NBAS: variants seen among roughly 807,000 people sequenced by gnomAD.
The protein encoded by NBAS is NBAS subunit of NRZ tethering complex.
A neutral mutation model predicts 302.5 loss-of-function variants in NBAS; 219 were observed. That is an observed-to-expected ratio of 0.72 (90% CI 0.65 to 0.81). The LOEUF is 0.81. Ranked by LOEUF, NBAS falls within the 30% of genes least tolerant of loss-of-function variation. NBAS has a pLI of 0.00. For synonymous variants in NBAS, 1,118 were observed against 1,021.6 expected (o/e 1.09, Z -1.80); for missense variants, 2,932 against 2,841.6 (o/e 1.03, Z -0.72).
rs777390596 is a variant in NBAS at position 15,474,249 on chromosome 2, A to AATCAGC, written c.1416_1417insGCTGAT (p.Asp472_Ser473insAlaAsp). On this transcript the variant is annotated inframe_insertion, in exon 15 of 52. Transcript: ENST00000281513. ...GCAGATATTTCATAATCAGAATCAG[A>AATCAGC]ATCCTCTTCTCCTTCATCTTCTTCT... The AATCAGC allele has an allele frequency of 3.7e-6, 6 of 1,614,070 alleles. No individual in the cohort carries two copies. The highest frequency in any genetic ancestry group is 5.1e-6 in the Non-Finnish European group (6 of 1,179,962).
the NBAS span, among the ~76,000 whole-genome samples, chr2:14,994,057 C>T: frequency 6.6e-5 from 10 of 152,304 alleles, no homozygotes; most frequent in African/African-American, 2.4e-4. Context: ...ACCTAGCACA[C>T]TGAAGGATGT....
intron 42 of NBAS, among the ~76,000 whole-genome samples, chr2:15,286,682 A>G (rs915815605): frequency 6.6e-6 from 1 of 152,222 alleles, no homozygotes; most frequent in African/African-American, 2.4e-5. Flanking sequence ...TTTGCTAACT[A>G]TGCCAAACCC....
chr2:15,551,179 G>A (rs986787172), intron 6 of NBAS, among the ~76,000 whole-genome samples: 3 of 152,040 alleles, frequency 2.0e-5, no homozygotes, highest in African/African-American at 7.2e-5. Flanking sequence ...TTACTAGTCT[G>A]TATCTAACTC....
chr2:15,211,574 AT>A (rs1281492553), intron 48 of NBAS, among the ~76,000 whole-genome samples: 2 of 151,890 alleles, frequency 1.3e-5, no homozygotes, highest in African/African-American at 2.4e-5. Context: ...TTTCGTGACA[AT>A]TTTTTTTCCT....
At chr2:15,303,235 C>G (rs73197026) in intron 40 of NBAS, among the ~76,000 whole-genome samples, 105 of 152,096 alleles carry the variant, frequency 6.9e-4, no homozygotes, top group Middle Eastern at 3.4e-3. Context: ...GAAATAAGAA[C>G]GACAGTTAAT....
the NBAS span, among the ~76,000 whole-genome samples, chr2:15,109,009 T>G: frequency 9.9e-5 from 15 of 152,130 alleles, no homozygotes; most frequent in Non-Finnish European, 5.9e-5. Flanking sequence ...GGTCAAATCT[T>G]TAGCAGAATT....
the NBAS span, among the ~76,000 whole-genome samples, chr2:14,885,941 AG>A: frequency 6.6e-6 from 1 of 152,210 alleles, no homozygotes; most frequent in East Asian, 1.9e-4. Context: ...CACGGAATAA[AG>A]GGTAAATGGG....
the NBAS span, among the ~76,000 whole-genome samples, chr2:14,973,178 C>T: frequency 1.3e-5 from 2 of 152,148 alleles, no homozygotes; most frequent in South Asian, 4.1e-4. Context: ...CCCCAGTAAT[C>T]CTGAAGTCTG....
At chr2:15,038,714 C>CTTAA in the NBAS span, among the ~76,000 whole-genome samples, 250 of 151,982 alleles carry the variant, frequency 1.6e-3, 1 homozygote, top group Admixed American at 5.0e-3. Context: ...GCAGCAGTAG[C>CTTAA]CTATTTCCAA....
intron 44 of NBAS, among the ~76,000 whole-genome samples, chr2:15,256,115 T>C (rs190487233): frequency 2.0e-5 from 3 of 152,136 alleles, no homozygotes; most frequent in Non-Finnish European, 2.9e-5. Context: ...TTGGTGGGAA[T>C]TGTATTAAAT....
intron 11 of NBAS, 107 bp from the exon 12 acceptor site, chr2:15,489,129 A>C (rs2148612634): frequency 7.9e-7 from 1 of 1,262,962 alleles, no homozygotes; most frequent in East Asian, 2.5e-5. Context: ...GATCTTTAGT[A>C]ATTAAGAGTT....
intron 11 of NBAS, among the ~76,000 whole-genome samples, chr2:15,497,040 T>C (rs975273056): frequency 5.3e-5 from 8 of 151,536 alleles, no homozygotes; most frequent in Non-Finnish European, 4.4e-5. Flanking sequence ...CCATTCCCAA[T>C]AGAAAAAAAA....
chr2:15,497,685 T>C (rs899381911), intron 11 of NBAS, among the ~76,000 whole-genome samples: 10 of 152,186 alleles, frequency 6.6e-5, no homozygotes, highest in Non-Finnish European at 1.2e-4. Flanking sequence ...AGAACTGGGC[T>C]ACAGATGCCA....
chr2:15,543,942 G>C (rs749662995), intron 6 of NBAS, among the ~76,000 whole-genome samples: 1 of 152,122 alleles, frequency 6.6e-6, no homozygotes, highest in Non-Finnish European at 1.5e-5. Flanking sequence ...CTAGTACTCT[G>C]GTGGGACATA....
At chr2:15,114,543 C>T in the NBAS span, among the ~76,000 whole-genome samples, 1 of 152,156 alleles carries the variant, frequency 6.6e-6, no homozygotes, top group Non-Finnish European at 1.5e-5. Context: ...CAGTTCAACC[C>T]ATAACAGGAG....
Position 15,467,255 on chromosome 2 carries a change from A to G in NBAS, c.2097+74T>C. On this transcript the variant is annotated intron_variant, in intron 19 of 51. Coordinates refer to ENST00000281513, the MANE Select transcript of NBAS (RefSeq NM_015909.4). ...TAGTTCTAAAGACCAAGAATATCCG[A>G]TATTAGGGCAGCCATAGCATTTATA... 5 of 1,098,216 alleles carry G rather than the reference A, an allele frequency of 4.6e-6. No individual in the cohort carries two copies. In the Admixed American group the frequency reaches 8.5e-5, roughly 19 times the overall value. 68.0% of individuals were successfully genotyped at this position (1,098,216 alleles called of 1,614,324 possible). A position where few individuals can be genotyped will look rare whatever the true frequency, so the allele number is the denominator to read the frequency against.
At position 15,190,257 on chromosome 2, in the gene NBAS, T is replaced by G. The variant is rs376105252; in HGVS notation, c.6572+7A>C. ...TCTAATTACGCTAATTTTATGTTAA[T>G]ACTTACACATATTCACTTTTCATAG... On this transcript the variant is annotated splice_region_variant and intron_variant, in intron 49 of 51. Coordinates refer to ENST00000281513, the MANE Select transcript of NBAS (RefSeq NM_015909.4). 5 of 1,613,860 alleles carry G rather than the reference T, an allele frequency of 3.1e-6. No individual in the cohort carries two copies. The highest frequency in any genetic ancestry group is 4.2e-6 in the Non-Finnish European group (5 of 1,179,812).
chr2:14,921,436 G>C, the NBAS span, among the ~76,000 whole-genome samples: 1 of 152,138 alleles, frequency 6.6e-6, no homozygotes, highest in Non-Finnish European at 1.5e-5. Flanking sequence ...ATGGAAAAAA[G>C]TGCCAATCAA....
chr2:15,131,050 T>C, the NBAS span, among the ~76,000 whole-genome samples: 1 of 152,224 alleles, frequency 6.6e-6, no homozygotes, highest in Admixed American at 6.5e-5. Flanking sequence ...CCAACCCTTT[T>C]TATACTAAAG....
Sources: gnomAD v4.1 joint callset for allele counts (sites outside exome capture counted in the v4.1 genomes callset) on GRCh38, gnomAD v4.1.1 for gene constraint, MANE v1.5 for transcripts, NCBI Gene and HGNC (gene_info 2026-07-23, HGNC 2026-07-21) for gene names.